The following SESN1 variants were observed in gnomAD, a reference collection of about 807,000 sequenced individuals.
SESN1 encodes sestrin 1.
Under a neutral mutation model 59.3 loss-of-function variants are expected in SESN1, and 30 were observed. The observed-to-expected ratio is 0.51, with a 90% CI of 0.38 to 0.69. The LOEUF is 0.69. Ranked by LOEUF, SESN1 falls within the 30% of genes least tolerant of loss-of-function variation. The pLI, the probability that SESN1 is intolerant of heterozygous loss-of-function variation, is 0.00. For synonymous variants in SESN1, 197 were observed against 219.9 expected, an observed-to-expected ratio of 0.90 and a Z score of 0.92; for missense variants, 566 against 673.0, an observed-to-expected ratio of 0.84 and a Z score of 1.76.
intron 1 of SESN1, among the ~76,000 whole-genome samples, chr6:109,033,388 CCAAACAAATATAAG>C (rs913921168): frequency 1.3e-5 from 2 of 152,016 alleles, no homozygotes; most frequent in African/African-American, 4.8e-5. Flanking sequence ...AACTTTATAC[CCAAACAAATATAAG>C]CAAAGGTGGC....
chr6:108,994,476 A>G lies in SESN1; in HGVS notation c.1106T>C (p.Phe369Ser), dbSNP rs777341294. The change falls in exon 6 of 10, where the codon TTT (phenylalanine) becomes TCT (serine). Residue 369 changes from phenylalanine to serine, a missense_variant. Physicochemically the swap from Phe to Ser is radical, Grantham distance 155. Transcript: ENST00000436639. ...RFEIEKRESM[F>S]VFSSDDEEVT... is the part of the protein sequence containing the mutation. The stretch of plus-strand genomic sequence containing the variant: ...GTTGTTCTTACCTGAAGAGAAGACA[A>G]ACATACTCTCTCTTTTTTCTATTTC... 4 of 1,612,596 alleles carry G rather than the reference A, an allele frequency of 2.5e-6. No individual in the cohort carries two copies. The Admixed American group carries it at 6.7e-5, about 27-fold the overall frequency.
chr6:109,068,087 C>A (rs1427960049), intron 1 of SESN1, among the ~76,000 whole-genome samples: 1 of 152,176 alleles, frequency 6.6e-6, no homozygotes, highest in Non-Finnish European at 1.5e-5. Context: ...TACACTCAAC[C>A]TTTGCCCCTG....
intron 1 of SESN1, among the ~76,000 whole-genome samples, chr6:109,038,970 GAAAAGA>G (rs1780291786): frequency 6.8e-6 from 1 of 147,712 alleles, no homozygotes; most frequent in Non-Finnish European, 1.5e-5. Context: ...GGAGAAGAAG[GAAAAGA>G]AAAAGAAGAA....
chr6:109,031,128 T>C (rs778093366), intron 1 of SESN1, among the ~76,000 whole-genome samples: 10 of 152,124 alleles, frequency 6.6e-5, no homozygotes, highest in Non-Finnish European at 1.0e-4. Context: ...GGGAATGACA[T>C]AGAAGAGAGA....
intron 1 of SESN1, among the ~76,000 whole-genome samples, chr6:109,010,675 G>A (rs1244478026): frequency 6.6e-6 from 1 of 152,128 alleles, no homozygotes; most frequent in Non-Finnish European, 1.5e-5. Context: ...AATGATATAT[G>A]TTCTCTATAC....
chr6:109,081,056 T>A (rs1211996050), intron 1 of SESN1, among the ~76,000 whole-genome samples: 1 of 151,914 alleles, frequency 6.6e-6, no homozygotes, highest in Admixed American at 6.6e-5. Flanking sequence ...AAAAAAAATC[T>A]GAAATCTGAA....
intron 5 of SESN1, among the ~76,000 whole-genome samples, chr6:108,998,160 C>G (rs542467038): frequency 2.0e-5 from 3 of 152,108 alleles, no homozygotes; most frequent in African/African-American, 7.2e-5. Flanking sequence ...AAGTCTCCAC[C>G]ACCAGGCCAC....
intron 1 of SESN1, among the ~76,000 whole-genome samples, chr6:109,010,905 T>C (rs1037067256): frequency 6.6e-6 from 1 of 152,180 alleles, no homozygotes; most frequent in Non-Finnish European, 1.5e-5. Flanking sequence ...TGCAGCAATA[T>C]GACATACCCT....
At chr6:109,055,990 T>C (rs1414929683) in intron 1 of SESN1, among the ~76,000 whole-genome samples, 1 of 152,214 alleles carries the variant, frequency 6.6e-6, no homozygotes, top group Non-Finnish European at 1.5e-5. Context: ...AAGGAGAAAG[T>C]AACCTAAAAT....
At chr6:109,016,504 C>T (rs1269024953) in intron 1 of SESN1, among the ~76,000 whole-genome samples, 10 of 152,070 alleles carry the variant, frequency 6.6e-5, no homozygotes, top group Admixed American at 6.5e-4. Flanking sequence ...GATTCTTAAC[C>T]TGAGCACAAG....
intron 1 of SESN1, among the ~76,000 whole-genome samples, chr6:109,049,698 A>C (rs2114438325): frequency 6.7e-6 from 1 of 150,258 alleles, no homozygotes; most frequent in East Asian, 1.9e-4. Context: ...GGGGACGTAT[A>C]TTTATATTAA....
chr6:108,988,383 C>T (rs1779260006), intron 9 of SESN1, 160 bp downstream of exon 9: 1 of 556,470 alleles, frequency 1.8e-6, no homozygotes, highest in Non-Finnish European at 3.0e-6. Context: ...TCAACATAAT[C>T]AGGTTCCCTT....
chr6:109,027,175 C>A (rs926922258), intron 1 of SESN1, among the ~76,000 whole-genome samples: 2 of 151,286 alleles, frequency 1.3e-5, no homozygotes, highest in African/African-American at 4.9e-5. Flanking sequence ...GTCTAAAAAA[C>A]AATAAAATAC....
Position 108,991,076 on chromosome 6 carries a change from C to A in SESN1, c.1234-241G>T, listed in dbSNP as rs555995250. 0.01 allele frequency among the ~76,000 whole-genome samples: 1,270 copies of A among 125,464 alleles called. 29 individuals carry two copies. Among genetic ancestry groups the A allele is most frequent in the African/African-American group, 0.025 (936 of 38,198 alleles). 82.3% of individuals were successfully genotyped at this position (125,464 alleles called of 152,430 possible). On this transcript the variant is annotated intron_variant, in intron 7 of 9. Coordinates refer to ENST00000436639, the MANE Select transcript of SESN1 (RefSeq NM_014454.3). ...CTAATAGTCTCATCTCAAAAAAAAA[C>A]AACAACAAAAAAAAACTAATAGTCT...
Position 108,984,762 on chromosome 6 carries a change from A to G in SESN1, c.*2782T>C, listed in dbSNP as rs1002821498. 2.6e-5 allele frequency among the ~76,000 whole-genome samples: 4 copies of G among 152,198 alleles called. No individual in the cohort carries two copies. Among genetic ancestry groups the G allele is most frequent in the South Asian group, 2.1e-4 (1 of 4,830 alleles). Reference sequence around the variant, plus strand: ...TTTTTGTGTGCTGACTTTGTATCCTACAACTTTGCTGAATTTATGCTTCCT... The same window carrying G: ...TTTTTGTGTGCTGACTTTGTATCCTGCAACTTTGCTGAATTTATGCTTCCT... On this transcript the variant is annotated 3_prime_UTR_variant, in exon 10 of 10. Transcript: ENST00000436639.
intron 1 of SESN1, among the ~76,000 whole-genome samples, chr6:109,078,381 CAAAAT>C (rs1325295566): frequency 1.3e-5 from 2 of 151,698 alleles, no homozygotes; most frequent in African/African-American, 4.8e-5. Context: ...GACACTGTCT[CAAAAT>C]AAAATAAAAT....
chr6:109,006,362 A>G (rs185506918), intron 1 of SESN1, among the ~76,000 whole-genome samples: 179 of 152,216 alleles, frequency 1.2e-3, no homozygotes, highest in African/African-American at 4.2e-3. Flanking sequence ...GGTTTGTTAC[A>G]TATGTATGCA....
At chr6:109,025,483 C>A (rs1780077570) in intron 1 of SESN1, among the ~76,000 whole-genome samples, 1 of 149,956 alleles carries the variant, frequency 6.7e-6, no homozygotes, top group African/African-American at 2.5e-5. Flanking sequence ...CTACAGGAAA[C>A]AATAATCACC....
chr6:109,004,173 A>G (rs1779682344), intron 1 of SESN1, among the ~76,000 whole-genome samples: 1 of 152,334 alleles, frequency 6.6e-6, no homozygotes, highest in South Asian at 2.1e-4. Flanking sequence ...ATGAAAACTT[A>G]GAAAAAAAGC....
Sources: gnomAD v4.1 joint callset for allele counts (sites outside exome capture counted in the v4.1 genomes callset) on GRCh38, gnomAD v4.1.1 for gene constraint, MANE v1.5 for transcripts, NCBI Gene and HGNC (gene_info 2026-07-23, HGNC 2026-07-21) for gene names.